The following CENPP variants were observed in gnomAD, a reference collection of about 807,000 sequenced individuals.
The protein encoded by CENPP is centromere protein P.
In CENPP, 24 loss-of-function variants were observed where a neutral mutation model predicts 35.6. That is an observed-to-expected ratio of 0.67 (90% CI 0.49 to 0.95). The LOEUF (loss-of-function observed/expected upper bound fraction) is 0.95. Ranked by LOEUF, CENPP falls within the 40% of genes least tolerant of loss-of-function variation. The probability of loss-of-function intolerance (pLI) is 0.00; values close to 1 mark genes in which losing one functional copy is unlikely to be tolerated. For missense variants in CENPP, 332 were observed against 345.3 expected, an observed-to-expected ratio of 0.96 and a Z score of 0.31; for synonymous variants, 120 against 125.5, an observed-to-expected ratio of 0.96 and a Z score of 0.29.
intron 5 of CENPP, among the ~76,000 whole-genome samples, chr9:92,531,350 T>C (rs1248489529): frequency 1.3e-5 from 2 of 152,180 alleles, no homozygotes; most frequent in Non-Finnish European, 2.9e-5. Context: ...TACCTCTTCC[T>C]GGACAATACA....
intron 5 of CENPP, chr9:92,457,354 C>T (rs1844913686): frequency 6.2e-7 from 1 of 1,613,932 alleles, no homozygotes; most frequent in Admixed American, 1.7e-5. Flanking sequence ...TTGCAGGTTG[C>T]ATTTCCCAGT....
chr9:92,586,203 G>A (rs2131371420), intron 5 of CENPP, among the ~76,000 whole-genome samples: 1 of 152,256 alleles, frequency 6.6e-6, no homozygotes, highest in East Asian at 1.9e-4. Flanking sequence ...GCACCACCAT[G>A]CCCGGCTAAT....
chr9:92,443,619 C>G lies in CENPP; in HGVS notation c.564+63760C>G, dbSNP rs577754485. ...AGGACCTAGAATAACCAAGACAATC[C>G]TGAGATAAAACAACAAAGAGGACTT... On this transcript the variant is annotated intron_variant, in intron 5 of 7. Transcript: ENST00000375587. Among the ~76,000 whole-genome samples the G allele has an allele frequency of 6.1e-4, 93 of 151,882 alleles. 1 individual carries two copies. The highest frequency in any genetic ancestry group is 2.2e-3 in the African/African-American group (90 of 41,450).
At chr9:92,484,460 T>G (rs1320857328) in intron 5 of CENPP, among the ~76,000 whole-genome samples, 2 of 152,228 alleles carry the variant, frequency 1.3e-5, no homozygotes, top group African/African-American at 4.8e-5. Context: ...CTTGTCACTG[T>G]ATAGTATTCT....
intron 5 of CENPP, among the ~76,000 whole-genome samples, chr9:92,591,135 G>A (rs1231451826): frequency 6.6e-6 from 1 of 152,150 alleles, no homozygotes; most frequent in East Asian, 1.9e-4. Flanking sequence ...AAGACCTGCA[G>A]GGGGCCGGGT....
intron 5 of CENPP, among the ~76,000 whole-genome samples, chr9:92,577,675 C>A (rs72754473): frequency 0.04 from 6,063 of 152,190 alleles, 185 homozygotes; most frequent in South Asian, 0.099. Flanking sequence ...ATCAAGATAG[C>A]TGGGCATAAT....
rs1228380227 is a variant in CENPP, at chr9:92,379,837, A to G, written c.542A>G (p.Lys181Arg). The G allele has an allele frequency of 1.2e-6, 2 of 1,611,568 alleles. No homozygotes were observed. The highest frequency in any genetic ancestry group is 4.5e-5 in the East Asian group (2 of 44,820). ...TTTGTGGAGTGGTTTGAATATCGTA[A>G]GCGCACGTTTAAACATCTCAAGGTA... ...HFFVEWFEYR[K>R]RTFKHLKEKY... is the part of the protein sequence containing the mutation. The change falls in exon 5 of 8, where the codon AAG (lysine) becomes AGG (arginine). Residue 181 changes from lysine to arginine, a missense_variant. Physicochemically the swap from Lys to Arg is conservative, Grantham distance 26. Coordinates refer to ENST00000375587, the MANE Select transcript of CENPP (RefSeq NM_001012267.3).
chr9:92,492,063 G>A (rs1418391715), intron 5 of CENPP, among the ~76,000 whole-genome samples: 1 of 152,152 alleles, frequency 6.6e-6, no homozygotes, highest in Non-Finnish European at 1.5e-5. Context: ...CTACGTGTAT[G>A]TGTTGTATGG....
chr9:92,486,457 C>T (rs1846059846), intron 5 of CENPP, among the ~76,000 whole-genome samples: 2 of 152,180 alleles, frequency 1.3e-5, no homozygotes, highest in Admixed American at 6.5e-5. Flanking sequence ...CATTTGATAT[C>T]GAAGTCCAAA....
chr9:92,441,218 A>G (rs147887472), intron 5 of CENPP, among the ~76,000 whole-genome samples: 3 of 152,344 alleles, frequency 2.0e-5, no homozygotes, highest in Admixed American at 1.3e-4. Flanking sequence ...TTTATCATCT[A>G]TGTACTTTTC....
intron 5 of CENPP, chr9:92,404,591 G>A (rs1159357951): frequency 3.9e-6 from 5 of 1,291,976 alleles, no homozygotes; most frequent in Non-Finnish European, 5.1e-6. Context: ...GAAAAGCTAT[G>A]TCTTGATTTC....
At chr9:92,388,970 T>A (rs1377473837) in intron 5 of CENPP, among the ~76,000 whole-genome samples, 3 of 152,154 alleles carry the variant, frequency 2.0e-5, no homozygotes, top group Non-Finnish European at 4.4e-5. Context: ...AAAGATACCT[T>A]AATTGTAATG....
intron 5 of CENPP, among the ~76,000 whole-genome samples, chr9:92,513,191 C>T (rs899769882): frequency 6.6e-6 from 1 of 152,202 alleles, no homozygotes; most frequent in African/African-American, 2.4e-5. Context: ...ACACCTGGTC[C>T]TGCTGTTGTT....
At position 92,612,622 on chromosome 9, in the gene CENPP, C is replaced by T; in HGVS notation, c.736+8C>T. 1 of 1,611,038 alleles carries T rather than the reference C, an allele frequency of 6.2e-7. No homozygotes were observed. Among genetic ancestry groups the T allele is most frequent in the East Asian group, 2.2e-5 (1 of 44,868 alleles). On this transcript the variant is annotated splice_region_variant and intron_variant, in intron 7 of 7. Transcript: ENST00000375587. ...CCAAAGTCCCACAGCGAGGTAGGGC[C>T]CTGGGTGTGGCTGCTCTAGGTGACT...
At chr9:92,512,671 T>G (rs1209989637) in intron 5 of CENPP, among the ~76,000 whole-genome samples, 1 of 152,204 alleles carries the variant, frequency 6.6e-6, no homozygotes, top group Non-Finnish European at 1.5e-5. Context: ...CTACAAAGGT[T>G]CCTGTATGCT....
chr9:92,589,051 G>C (rs1432743241), intron 5 of CENPP, among the ~76,000 whole-genome samples: 1 of 152,068 alleles, frequency 6.6e-6, no homozygotes, highest in South Asian at 2.1e-4. Flanking sequence ...AAAGGCACCA[G>C]GCACAATGGC....
chr9:92,372,313 A>G (rs989920943), intron 4 of CENPP, among the ~76,000 whole-genome samples: 2 of 150,490 alleles, frequency 1.3e-5, no homozygotes, highest in African/African-American at 4.9e-5. Flanking sequence ...AATCCATTCA[A>G]CCTTTCTATA....
chr9:92,479,104 G>A (rs1045048827), intron 5 of CENPP, among the ~76,000 whole-genome samples: 21 of 152,170 alleles, frequency 1.4e-4, no homozygotes, highest in African/African-American at 5.1e-4. Flanking sequence ...GATCAGGTAT[G>A]AGGAGCAGAA....
At chr9:92,483,594 C>G (rs1355369303) in intron 5 of CENPP, among the ~76,000 whole-genome samples, 2 of 152,200 alleles carry the variant, frequency 1.3e-5, no homozygotes, top group African/African-American at 4.8e-5. Flanking sequence ...ATGGTTCTTC[C>G]CAACTGTTGT....
Sources: gnomAD v4.1 joint callset for allele counts (sites outside exome capture counted in the v4.1 genomes callset) on GRCh38, gnomAD v4.1.1 for gene constraint, MANE v1.5 for transcripts, NCBI Gene and HGNC (gene_info 2026-07-23, HGNC 2026-07-21) for gene names.